Variants in MYOM2 observed in about 807,000 individuals in gnomAD.
MYOM2 encodes the protein myomesin-2.
In MYOM2, 254 loss-of-function variants were observed where a neutral mutation model predicts 187.6. The ratio of observed to expected loss-of-function variants is 1.35; its 90% CI spans 1.22 to 1.50. The LOEUF (loss-of-function observed/expected upper bound fraction) is 1.50. MYOM2 is among the 40% of genes most tolerant of loss of function. MYOM2 has a pLI of 0.00. For missense variants in MYOM2, 2,796 were observed against 1,924.0 expected (o/e 1.45, Z -8.48); for synonymous variants, 981 against 753.8 (o/e 1.30, Z -4.94).
chr8:2,116,707 G>C (rs960766949), intron 27 of MYOM2, among the ~76,000 whole-genome samples: 1 of 152,118 alleles, frequency 6.6e-6, no homozygotes, highest in African/African-American at 2.4e-5. Context: ...AGATACAAAG[G>C]AAAATGGATA....
At position 2,069,366 on chromosome 8, in the gene MYOM2, A is replaced by T. The variant is rs773397156; in HGVS notation, c.742A>T (p.Arg248Trp). The T allele has an allele frequency of 6.2e-7, 1 of 1,614,010 alleles. No homozygotes were observed. The highest frequency in any genetic ancestry group is 1.1e-5 in the South Asian group (1 of 91,076). ...CACCAACGCGGCGGTGGTGGTGAGA[A>T]GTGAGTGCCGGGTGGGCTTTCACGG... ...VSTNAAVVVR[R>W]FRGDEEPFRS... The change falls in exon 7 of 37, where the codon AGG (arginine) becomes TGG (tryptophan). Residue 248 changes from arginine (R) to tryptophan (W), a missense_variant and splice_region_variant. Coordinates refer to ENST00000262113, the MANE Select transcript of MYOM2 (RefSeq NM_003970.4).
chr8:2,087,888 G>A (rs1323523613), intron 14 of MYOM2, among the ~76,000 whole-genome samples: 1 of 152,150 alleles, frequency 6.6e-6, no homozygotes. Flanking sequence ...CCAAAGTGCT[G>A]GGATTACAGA....
intron 32 of MYOM2, among the ~76,000 whole-genome samples, chr8:2,131,229 C>T (rs182716650): frequency 6.6e-6 from 1 of 152,260 alleles, no homozygotes; most frequent in Admixed American, 6.5e-5. Flanking sequence ...GTTACACGTT[C>T]AACACATGTT....
chr8:2,064,409 C>T (rs561699958), intron 6 of MYOM2, among the ~76,000 whole-genome samples: 2 of 152,210 alleles, frequency 1.3e-5, no homozygotes, highest in East Asian at 3.9e-4. Flanking sequence ...CCGCGAGCTC[C>T]TTAGCGGGGC....
intron 32 of MYOM2, among the ~76,000 whole-genome samples, chr8:2,131,768 C>A (rs1159660904): frequency 6.6e-6 from 1 of 151,474 alleles, no homozygotes; most frequent in Non-Finnish European, 1.5e-5. Context: ...CTCAGCCTCC[C>A]AAGTAGCTGG....
At chr8:2,122,297 A>G (rs147631367) in intron 28 of MYOM2, among the ~76,000 whole-genome samples, 1 of 152,370 alleles carries the variant, frequency 6.6e-6, no homozygotes, top group East Asian at 1.9e-4. Flanking sequence ...ACTACTTTGC[A>G]GCTCAGTGGG....
intron 20 of MYOM2, chr8:2,102,005 C>G (rs1393471891): frequency 6.6e-6 from 1 of 152,264 alleles, no homozygotes; most frequent in Non-Finnish European, 1.5e-5. Flanking sequence ...AGGTTTTCTT[C>G]TCTGGGTGCT....
chr8:2,141,715 G>A (rs67769214), intron 34 of MYOM2, among the ~76,000 whole-genome samples: 13,959 of 152,122 alleles, frequency 0.092, 856 homozygotes, highest in East Asian at 0.18. Flanking sequence ...TCTGGTCGGA[G>A]GTGTCATTTG....
At chr8:2,048,657 A>T (rs1818383932) in intron 1 of MYOM2, among the ~76,000 whole-genome samples, 1 of 152,176 alleles carries the variant, frequency 6.6e-6, no homozygotes, top group Admixed American at 6.5e-5. Flanking sequence ...CTGGAGTCAG[A>T]ATTCGATCCC....
intron 25 of MYOM2, among the ~76,000 whole-genome samples, chr8:2,112,445 C>T (rs34397313): frequency 0.091 from 13,734 of 151,560 alleles, 847 homozygotes; most frequent in Non-Finnish European, 0.14. Flanking sequence ...CATTCCAAGC[C>T]GCTCTAGTGC....
chr8:2,099,592 G>T (rs1423998717), intron 19 of MYOM2, among the ~76,000 whole-genome samples: 1 of 152,144 alleles, frequency 6.6e-6, no homozygotes, highest in Non-Finnish European at 1.5e-5. Context: ...CACTCTACTG[G>T]TTTTTTGTTT....
At chr8:2,059,460 A>C (rs1818780368) in intron 6 of MYOM2, among the ~76,000 whole-genome samples, 2 of 152,188 alleles carry the variant, frequency 1.3e-5, no homozygotes, top group African/African-American at 2.4e-5. Flanking sequence ...AACTCTGGGA[A>C]TAAAGACAGT....
At chr8:2,128,819 T>C (rs567400186) in intron 31 of MYOM2, among the ~76,000 whole-genome samples, 3 of 152,242 alleles carry the variant, frequency 2.0e-5, no homozygotes, top group Non-Finnish European at 1.5e-5. Flanking sequence ...GCACTGTTGT[T>C]ATTTTGCCTC....
intron 9 of MYOM2, 54 bp from the exon 10 acceptor site, chr8:2,073,284 CT>C: frequency 1.9e-6 from 3 of 1,563,666 alleles, no homozygotes; most frequent in Non-Finnish European, 1.7e-6. Flanking sequence ...CCGAGGCTTT[CT>C]TTGCCTGCTG....
rs551216055 is a variant in MYOM2, at chr8:2,141,075, A to G, written c.3965-66A>G. On this transcript the variant is annotated intron_variant, in intron 33 of 36. Transcript: ENST00000262113. ...CATGAACCAGATTCACTGGTATAATATTTGAGTGAATAAATAAAATCTGAA... is the reference window on the plus strand; with the variant it reads ...CATGAACCAGATTCACTGGTATAATGTTTGAGTGAATAAATAAAATCTGAA... 3.0e-5 allele frequency: 45 copies of G among 1,507,576 alleles called. No individual in the cohort carries two copies. The African/African-American group carries it at 4.5e-4, about 15-fold the overall frequency. 93.4% of individuals were successfully genotyped at this position (1,507,576 alleles called of 1,614,324 possible). A position where few individuals can be genotyped will look rare whatever the true frequency, so the allele number is the denominator to read the frequency against.
chr8:2,077,325 A>C (rs1819462816), intron 11 of MYOM2, among the ~76,000 whole-genome samples: 1 of 152,126 alleles, frequency 6.6e-6, no homozygotes, highest in Non-Finnish European at 1.5e-5. Context: ...AAACAAAACA[A>C]AACAAAAAAC....
At position 2,048,137 on chromosome 8, in the gene MYOM2, G is replaced by C. The variant is rs140359218; in HGVS notation, c.-12-2618G>C. On this transcript the variant is annotated intron_variant, in intron 1 of 36. Transcript: ENST00000262113. ...ACATCTGAGGTTTAACTCAACATAA[G>C]TGTAAGTAGATACTGTGATGACACA... Among the ~76,000 whole-genome samples the C allele has an allele frequency of 1.4e-3, 220 of 152,324 alleles. 1 individual carries two copies. Among genetic ancestry groups the C allele is most frequent in the African/African-American group, 5.2e-3 (217 of 41,562 alleles).
intron 1 of MYOM2, among the ~76,000 whole-genome samples, chr8:2,048,451 C>A (rs1191238526): frequency 6.6e-6 from 1 of 152,212 alleles, no homozygotes; most frequent in East Asian, 1.9e-4. Flanking sequence ...GGGGAGATTT[C>A]AAATAGTGAA....
Position 2,073,516 on chromosome 8 carries a change from T to G in MYOM2, c.1120+16T>G. On this transcript the variant is annotated intron_variant, in intron 10 of 36. Transcript: ENST00000262113. ...TTTGTCAGAGGTGCGGGCAGCAGGG[T>G]TCTCAGGGTGCAGACCTTGTGTGTG... 4 of 1,587,656 alleles carry G rather than the reference T, an allele frequency of 2.5e-6. No homozygotes were observed. The highest frequency in any genetic ancestry group is 3.4e-6 in the Non-Finnish European group (4 of 1,174,488).
Sources: gnomAD v4.1 joint callset for allele counts (sites outside exome capture counted in the v4.1 genomes callset) on GRCh38, gnomAD v4.1.1 for gene constraint, MANE v1.5 for transcripts, NCBI Gene and HGNC (gene_info 2026-07-23, HGNC 2026-07-21) for gene names.